ABCD2: variants seen among roughly 807,000 people sequenced by gnomAD.
ABCD2 encodes the protein ATP binding cassette subfamily D member 2.
ABCD2 carries 36 observed loss-of-function variants against 70.9 expected under a neutral mutation model. The observed-to-expected ratio is 0.51, with a 90% CI of 0.39 to 0.67. The LOEUF (loss-of-function observed/expected upper bound fraction) is 0.67, where lower values mean the gene tolerates loss of function less well. ABCD2 is among the 30% of genes least tolerant of loss of function. The pLI, the probability that ABCD2 is intolerant of heterozygous loss-of-function variation, is 0.00. For missense variants in ABCD2, 729 were observed against 890.2 expected (o/e 0.82, Z 2.30); for synonymous variants, 304 against 306.9 (o/e 0.99, Z 0.10).
the ABCD2 span, among the ~76,000 whole-genome samples, chr12:39,537,145 C>T: frequency 0.041 from 6,205 of 152,182 alleles, 421 homozygotes; most frequent in African/African-American, 0.14. Context: ...AGACCCCCTC[C>T]GCACTCTAGA....
At chr12:39,613,102 G>A (rs1450562623) in intron 2 of ABCD2, among the ~76,000 whole-genome samples, 2 of 138,254 alleles carry the variant, frequency 1.4e-5, no homozygotes, top group Admixed American at 6.8e-5. Flanking sequence ...AATTGAGGTT[G>A]TGGGCCGGGC....
At chr12:39,534,853 A>G in the ABCD2 span, among the ~76,000 whole-genome samples, 99 of 151,380 alleles carry the variant, frequency 6.5e-4, 1 homozygote, top group African/African-American at 2.4e-3. Context: ...AGAAATAAAG[A>G]AAGAGAAAGA....
chr12:39,600,621 TTCA>T lies in ABCD2; in HGVS notation c.1593_1595del (p.Tyr531_Glu532delinsTer). ...GAGGAGGTGGTTTATAGAGGACTCCTTCATACACAGGCCAGAGCCCACTTAGAA... is the reference window on the plus strand; with the variant it reads ...GAGGAGGTGGTTTATAGAGGACTCCTTACACAGGCCAGAGCCCACTTAGAA... On this transcript the variant is annotated stop_gained and inframe_deletion, in exon 6 of 10. Coordinates refer to ENST00000308666, the MANE Select transcript of ABCD2 (RefSeq NM_005164.4). LOFTEE classifies it high-confidence loss of function. 6.2e-7 allele frequency: 1 copy of T among 1,612,700 alleles called. No homozygotes were observed. The highest frequency in any genetic ancestry group is 8.5e-7 in the Non-Finnish European group (1 of 1,179,354).
intron 2 of ABCD2, among the ~76,000 whole-genome samples, chr12:39,610,008 G>A (rs773707199): frequency 5.3e-5 from 8 of 152,086 alleles, no homozygotes; most frequent in Non-Finnish European, 1.2e-4. Context: ...AAGGTGTTTG[G>A]AGAGGGCAAA....
In ABCD2 at chr12:39,551,824, G is replaced by A. The variant is rs1941091967; in HGVS notation, c.*2088C>T. The A allele has an allele frequency of 6.6e-6, 1 of 151,568 alleles. No individual in the cohort carries two copies. The highest frequency in any genetic ancestry group is 6.6e-5 in the Admixed American group (1 of 15,206). The allele number at this position is 151,568 out of a possible 1,614,324, so 9.4% of individuals were successfully genotyped here. A position where few individuals can be genotyped will look rare whatever the true frequency, so the allele number is the denominator to read the frequency against. On this transcript the variant is annotated 3_prime_UTR_variant, in exon 10 of 10. Coordinates refer to ENST00000308666, the MANE Select transcript of ABCD2 (RefSeq NM_005164.4). ...CAATGTTTCAAAACAAAATTATCAGGTTGTTTTAAAATTATGTTTTATTTT... is the reference window on the plus strand; with the variant it reads ...CAATGTTTCAAAACAAAATTATCAGATTGTTTTAAAATTATGTTTTATTTT...
At chr12:39,611,133 A>C (rs1942039393) in intron 2 of ABCD2, among the ~76,000 whole-genome samples, 1 of 152,228 alleles carries the variant, frequency 6.6e-6, no homozygotes, top group Non-Finnish European at 1.5e-5. Flanking sequence ...TTCACAGAAA[A>C]GATGGGGAAG....
Position 39,600,631 on chromosome 12 carries a change from G to T in ABCD2, c.1586C>A (p.Pro529His). Residue 529 changes from proline to histidine, a missense_variant, in exon 6 of 10, where the codon CCT becomes CAT. This residue lies in a region of ABCD2 where 289 missense variants were observed against 328.8 expected (regional missense o/e 0.88). Transcript: ENST00000308666. ...SLFRILSGLWPVYEGVLYKPP... is the reference protein window; with the variant it reads ...SLFRILSGLWHVYEGVLYKPP... ...TTTATAGAGGACTCCTTCATACACAGGCCAGAGCCCACTTAGAATTCTGAA... is the reference window on the plus strand; with the variant it reads ...TTTATAGAGGACTCCTTCATACACATGCCAGAGCCCACTTAGAATTCTGAA... 2 of 1,612,856 alleles carry T rather than the reference G, an allele frequency of 1.2e-6. No individual in the cohort carries two copies. Among genetic ancestry groups the T allele is most frequent in the Non-Finnish European group, 1.7e-6 (2 of 1,179,306 alleles).
At chr12:39,532,893 CT>C in the ABCD2 span, among the ~76,000 whole-genome samples, 1 of 152,102 alleles carries the variant, frequency 6.6e-6, no homozygotes, top group Non-Finnish European at 1.5e-5. Context: ...GATGCAGTGG[CT>C]CACGCCTGTA....
the ABCD2 span, among the ~76,000 whole-genome samples, chr12:39,534,898 AAGAAAGAAAGAAAGAAAG>A: frequency 1.6e-5 from 1 of 61,556 alleles, no homozygotes; most frequent in Non-Finnish European, 2.8e-5. Context: ...GAAAGAAAGA[AAGAAAGAAAGAAAGAAAG>A]AAAGAAAGAA....
chr12:39,582,357 A>C (rs954205771), intron 7 of ABCD2, among the ~76,000 whole-genome samples: 1 of 152,222 alleles, frequency 6.6e-6, no homozygotes, highest in Non-Finnish European at 1.5e-5. Context: ...AGATGAAGAT[A>C]GTAAAACCTA....
In ABCD2 at chr12:39,551,987, T is replaced by C. The variant is rs1022763172; in HGVS notation, c.*1925A>G. On this transcript the variant is annotated 3_prime_UTR_variant, in exon 10 of 10. Coordinates refer to ENST00000308666, the MANE Select transcript of ABCD2 (RefSeq NM_005164.4). ...CCTTGTAGCAGTATAAACTGGATAA[T>C]CACTTATGTAGAAAAGATTAATGAA... 1 of 151,802 alleles carries C rather than the reference T, an allele frequency of 6.6e-6. No individual in the cohort carries two copies. Among genetic ancestry groups the C allele is most frequent in the Non-Finnish European group, 1.5e-5 (1 of 67,750 alleles). The allele number at this position is 151,802 out of a possible 1,614,324, so 9.4% of individuals were successfully genotyped here. A position where few individuals can be genotyped will look rare whatever the true frequency, so the allele number is the denominator to read the frequency against.
chr12:39,594,331 CAG>C (rs1428643130), intron 6 of ABCD2, among the ~76,000 whole-genome samples: 1 of 141,182 alleles, frequency 7.1e-6, no homozygotes, highest in African/African-American at 3.1e-5. Flanking sequence ...GGTTGTCATA[CAG>C]AAAAATAAGA....
intron 9 of ABCD2, among the ~76,000 whole-genome samples, chr12:39,562,122 T>C (rs962530346): frequency 6.6e-6 from 1 of 151,942 alleles, no homozygotes; most frequent in East Asian, 1.9e-4. Context: ...AAAGAAAAAT[T>C]TTAAAAATTT....
chr12:39,544,187 T>TA, the ABCD2 span, among the ~76,000 whole-genome samples: 2 of 152,056 alleles, frequency 1.3e-5, no homozygotes, highest in African/African-American at 4.8e-5. Flanking sequence ...GATAAAATCA[T>TA]AGAGTCGAAG....
intron 5 of ABCD2, among the ~76,000 whole-genome samples, chr12:39,603,084 C>A (rs1392821786): frequency 1.3e-5 from 2 of 152,098 alleles, no homozygotes; most frequent in African/African-American, 4.8e-5. Flanking sequence ...TTCAATGCTA[C>A]TCATCCTCTC....
chr12:39,610,333 GTTAA>G (rs532109716), intron 2 of ABCD2, among the ~76,000 whole-genome samples: 7 of 152,076 alleles, frequency 4.6e-5, no homozygotes, highest in Non-Finnish European at 8.8e-5. Context: ...TCCCCTTGAA[GTTAA>G]TTAGTTAGTT....
chr12:39,611,082 G>T (rs547342508), intron 2 of ABCD2, among the ~76,000 whole-genome samples: 1 of 152,266 alleles, frequency 6.6e-6, no homozygotes, highest in South Asian at 2.1e-4. Context: ...AGCTCTGATA[G>T]TAAAGAGTAC....
chr12:39,533,040 C>T, the ABCD2 span, among the ~76,000 whole-genome samples: 1 of 151,894 alleles, frequency 6.6e-6, no homozygotes, highest in Non-Finnish European at 1.5e-5. Context: ...TGGCGGGTGC[C>T]TGTAATCCCA....
chr12:39,591,281 TAAG>T (rs1308708752), intron 6 of ABCD2, among the ~76,000 whole-genome samples: 10 of 152,232 alleles, frequency 6.6e-5, no homozygotes, highest in African/African-American at 2.4e-4. Context: ...TGTGTGATAA[TAAG>T]AAGAAATATT....
Sources: gnomAD v4.1 joint callset for allele counts (sites outside exome capture counted in the v4.1 genomes callset) on GRCh38, gnomAD v4.1.1 for gene constraint, gnomAD v4.1.1 regional missense constraint, MANE v1.5 for transcripts, NCBI Gene and HGNC (gene_info 2026-07-23, HGNC 2026-07-21) for gene names.